The following OPCML variants were observed in gnomAD, a reference collection of about 807,000 sequenced individuals.
OPCML encodes opioid binding protein/cell adhesion molecule like.
OPCML carries 13 observed loss-of-function variants against 37.8 expected under a neutral mutation model. The observed-to-expected ratio is 0.34, with a 90% confidence interval of 0.22 to 0.55. The LOEUF (loss-of-function observed/expected upper bound fraction) is 0.55, where lower values mean the gene tolerates loss of function less well. Ranked by LOEUF, OPCML falls within the 20% of genes least tolerant of loss-of-function variation. OPCML has a pLI of 0.91. For synonymous variants in OPCML, 176 were observed against 168.8 expected, an observed-to-expected ratio of 1.04 and a Z score of -0.33; for missense variants, 341 against 435.6, an observed-to-expected ratio of 0.78 and a Z score of 1.93.
intron 1 of OPCML, among the ~76,000 whole-genome samples, chr11:133,448,683 C>G (rs950482565): frequency 1.3e-5 from 2 of 152,184 alleles, no homozygotes; most frequent in African/African-American, 4.8e-5. Flanking sequence ...GTCTTGAACT[C>G]CAGACCTCAG....
rs558438988 is a variant in OPCML at position 133,006,201 on chromosome 11, A to G, written c.62-63191T>C. ...GAAGTTCGCGCCATCTGTAGTAGGG[A>G]GGAGCCTGGCCCCTCGTCTTCCTGC... is the stretch of plus-strand genomic sequence containing the variant. On this transcript the variant is annotated intron_variant, in intron 1 of 7. Transcript: ENST00000524381. 3 of 826,098 alleles carry G rather than the reference A, an allele frequency of 3.6e-6. No homozygotes were observed. In the East Asian group the frequency reaches 3.7e-4, roughly 103 times the overall value. 51.2% of individuals were successfully genotyped at this position (826,098 alleles called of 1,614,324 possible).
chr11:132,779,568 GGA>G (rs139640427), intron 2 of OPCML, among the ~76,000 whole-genome samples: 7 of 150,672 alleles, frequency 4.6e-5, no homozygotes, highest in Admixed American at 1.3e-4. Flanking sequence ...GGGGGCGTGG[GGA>G]GAGAGAGAGA....
chr11:133,384,247 C>CAAAAAAAAAAAAA (rs1186998875), intron 1 of OPCML, among the ~76,000 whole-genome samples: 16 of 71,214 alleles, frequency 2.2e-4, no homozygotes, highest in African/African-American at 7.4e-4. Context: ...GGCCACTGTG[C>CAAAAAAAAAAAAA]AAAAAAAAAA....
intron 2 of OPCML, among the ~76,000 whole-genome samples, chr11:132,830,211 G>A (rs1026343085): frequency 1.3e-5 from 2 of 152,078 alleles, no homozygotes; most frequent in East Asian, 1.9e-4. Flanking sequence ...TGCCCATAAG[G>A]TTACTGCACA....
intron 2 of OPCML, among the ~76,000 whole-genome samples, chr11:132,914,837 A>C (rs974897241): frequency 6.6e-6 from 1 of 152,184 alleles, no homozygotes; most frequent in Non-Finnish European, 1.5e-5. Context: ...GCCATTACAC[A>C]ACACAAGGTC....
chr11:133,441,036 A>G (rs1028715813), intron 1 of OPCML, among the ~76,000 whole-genome samples: 23 of 151,698 alleles, frequency 1.5e-4, no homozygotes, highest in Non-Finnish European at 3.4e-4. Context: ...TTACAGATAA[A>G]TTATTAGAAT....
At chr11:132,855,922 A>G (rs1942035900) in intron 2 of OPCML, among the ~76,000 whole-genome samples, 1 of 152,230 alleles carries the variant, frequency 6.6e-6, no homozygotes, top group Non-Finnish European at 1.5e-5. Flanking sequence ...TTAAGAAGCC[A>G]TACTTTCTTC....
At chr11:133,154,860 C>G (rs191667077) in intron 1 of OPCML, among the ~76,000 whole-genome samples, 1 of 151,962 alleles carries the variant, frequency 6.6e-6, no homozygotes, top group African/African-American at 2.4e-5. Flanking sequence ...TTTCTGTGAA[C>G]GGAAGACACG....
At chr11:133,408,607 C>T (rs1945574227) in intron 1 of OPCML, among the ~76,000 whole-genome samples, 1 of 152,168 alleles carries the variant, frequency 6.6e-6, no homozygotes, top group Non-Finnish European at 1.5e-5. Context: ...CAGTCCTGGA[C>T]ACGACACCAC....
At chr11:132,519,350 C>T (rs749024188) in intron 4 of OPCML, among the ~76,000 whole-genome samples, 2 of 151,976 alleles carry the variant, frequency 1.3e-5, no homozygotes, top group Non-Finnish European at 2.9e-5. Context: ...GGGTCAGGGC[C>T]ATCAGCTGCA....
chr11:133,053,700 C>T (rs1343511108), intron 1 of OPCML, among the ~76,000 whole-genome samples: 14 of 152,188 alleles, frequency 9.2e-5, no homozygotes, highest in Admixed American at 9.2e-4. Flanking sequence ...TAACCTCCAT[C>T]GTCTGTCTCA....
chr11:132,825,558 G>A (rs533756059), intron 2 of OPCML, among the ~76,000 whole-genome samples: 55 of 152,316 alleles, frequency 3.6e-4, no homozygotes, highest in South Asian at 2.5e-3. Context: ...AGTTTGTAAA[G>A]TAACCAGGTC....
chr11:132,716,758 T>C (rs1944509054), intron 2 of OPCML, among the ~76,000 whole-genome samples: 1 of 152,208 alleles, frequency 6.6e-6, no homozygotes, highest in South Asian at 2.1e-4. Context: ...TTCAGATAGA[T>C]CTAAAACTGA....
At chr11:133,083,033 C>T (rs981887724) in intron 1 of OPCML, among the ~76,000 whole-genome samples, 2 of 149,640 alleles carry the variant, frequency 1.3e-5, no homozygotes, top group African/African-American at 4.9e-5. Context: ...CCCAGCCGAG[C>T]CCAGCCACTG....
chr11:133,215,490 G>A (rs757748198), intron 1 of OPCML, among the ~76,000 whole-genome samples: 1 of 152,134 alleles, frequency 6.6e-6, no homozygotes, highest in African/African-American at 2.4e-5. Context: ...ATACCAGTTC[G>A]AATCCCAGTA....
intron 1 of OPCML, among the ~76,000 whole-genome samples, chr11:133,347,143 A>C (rs1387039285): frequency 6.6e-6 from 1 of 152,116 alleles, no homozygotes; most frequent in East Asian, 1.9e-4. Flanking sequence ...ATCATTTTTC[A>C]TTTGCTCTTC....
At chr11:132,513,277 A>G (rs1565627111) in intron 4 of OPCML, among the ~76,000 whole-genome samples, 1 of 152,162 alleles carries the variant, frequency 6.6e-6, no homozygotes, top group Non-Finnish European at 1.5e-5. Flanking sequence ...GGAATGTGGA[A>G]GGGAAAGAGA....
At chr11:133,343,511 A>T (rs1947102666) in intron 1 of OPCML, among the ~76,000 whole-genome samples, 1 of 152,200 alleles carries the variant, frequency 6.6e-6, no homozygotes, top group Non-Finnish European at 1.5e-5. Context: ...GAACCACACA[A>T]TTTGACTCTC....
chr11:133,085,453 T>C lies in OPCML; in HGVS notation c.62-142443A>G, dbSNP rs115936590. On this transcript the variant is annotated intron_variant, in intron 1 of 7. Coordinates refer to ENST00000524381, the MANE Select transcript of OPCML (RefSeq NM_001012393.5). ...GAGATCAATGGTGGTGTTTTCTTTA[T>C]CTTTAAAGAGGATCCCTTTGGTACC... 2.8e-3 allele frequency among the ~76,000 whole-genome samples: 433 copies of C among 152,368 alleles called. 6 individuals are homozygous for C. Among genetic ancestry groups the C allele is most frequent in the African/African-American group, 9.7e-3 (404 of 41,594 alleles).
Sources: allele counts gnomAD v4.1 joint callset (sites outside exome capture counted in the v4.1 genomes callset), GRCh38; gene constraint gnomAD v4.1.1; transcripts MANE v1.5; gene names NCBI Gene and HGNC (gene_info 2026-07-23, HGNC 2026-07-21).